DHODH: variants seen among roughly 807,000 people sequenced by gnomAD.
DHODH encodes dihydroorotate dehydrogenase (quinone), mitochondrial.
DHODH carries 30 observed loss-of-function variants against 39.7 expected under a neutral mutation model. The ratio of observed to expected loss-of-function variants is 0.76; its 90% CI spans 0.57 to 1.02. DHODH has a LOEUF of 1.02. Among genes scored for constraint, DHODH ranks in the 50% least tolerant of loss-of-function variants. The probability of loss-of-function intolerance (pLI) is 0.00; values close to 1 mark genes in which losing one functional copy is unlikely to be tolerated. For synonymous variants in DHODH, 222 were observed against 213.8 expected (o/e 1.04, Z -0.34); for missense variants, 531 against 520.8 (o/e 1.02, Z -0.19).
intron 3 of DHODH, among the ~76,000 whole-genome samples, chr16:72,015,244 G>C (rs111933705): frequency 6.6e-6 from 1 of 152,216 alleles, no homozygotes; most frequent in Non-Finnish European, 1.5e-5. Flanking sequence ...TCAAGAGCCA[G>C]TGTGCATTTT....
chr16:72,021,205 T>C lies in DHODH; in HGVS notation c.599T>C (p.Val200Ala), dbSNP rs2041211531. The change falls in exon 5 of 9, where the codon GTA (valine) becomes GCA (alanine). Residue 200 changes from valine (V) to alanine (A), a missense_variant. Physicochemically the swap from Val to Ala is moderately conservative, Grantham distance 64. Transcript: ENST00000219240. Reference protein sequence around the residue: ...AAEDYAEGVRVLGPLADYLVV... With the variant: ...AAEDYAEGVRALGPLADYLVV... Reference sequence around the variant, plus strand: ...GAGGACTACGCAGAAGGGGTGCGCGTACTGGGCCCCCTGGCCGACTACCTG... The same window carrying C: ...GAGGACTACGCAGAAGGGGTGCGCGCACTGGGCCCCCTGGCCGACTACCTG... 6.2e-7 allele frequency: 1 copy of C among 1,611,432 alleles called. No individual in the cohort carries two copies. The highest frequency in any genetic ancestry group is 8.5e-7 in the Non-Finnish European group (1 of 1,179,090).
intron 3 of DHODH, 69 bp from the exon 4 acceptor site, chr16:72,016,955 T>C (rs2143982305): frequency 7.0e-7 from 1 of 1,418,866 alleles, no homozygotes; most frequent in Non-Finnish European, 1.0e-6. Flanking sequence ...TTTGAAAAAG[T>C]CCTAAGTGTA....
chr16:72,023,626 C>T lies in DHODH; in HGVS notation c.1126C>T (p.Leu376Phe). 6.2e-7 allele frequency: 1 copy of T among 1,613,884 alleles called. No individual in the cohort carries two copies. Among genetic ancestry groups the T allele is most frequent in the African/African-American group, 1.3e-5 (1 of 75,042 alleles). Reference sequence around the variant, plus strand: ...CAAAGTCAAGCGGGAACTGGAGGCCCTTCTGAAGTGAGTGAGGTCATGTGT... The same window carrying T: ...CAAAGTCAAGCGGGAACTGGAGGCCTTTCTGAAGTGAGTGAGGTCATGTGT... ...VGKVKRELEA[L>F]LKEQGFGGVT... The change falls in exon 8 of 9, where the codon CTT (leucine) becomes TTT (phenylalanine). Residue 376 changes from leucine to phenylalanine, a missense_variant. Transcript: ENST00000219240.
chr16:72,021,701 G>C (rs1255445532), intron 5 of DHODH, among the ~76,000 whole-genome samples: 1 of 152,170 alleles, frequency 6.6e-6, no homozygotes, highest in African/African-American at 2.4e-5. Flanking sequence ...CGTGGCTCAT[G>C]CCTGTAATAC....
intron 1 of DHODH, among the ~76,000 whole-genome samples, chr16:72,011,623 G>C (rs368438752): frequency 6.6e-6 from 1 of 152,156 alleles, no homozygotes; most frequent in African/African-American, 2.4e-5. Flanking sequence ...TAATATGAAC[G>C]GATAATTTTT....
chr16:72,017,810 GC>G (rs2143984931), intron 4 of DHODH, among the ~76,000 whole-genome samples: 1 of 127,534 alleles, frequency 7.8e-6, no homozygotes, highest in East Asian at 2.2e-4. Flanking sequence ...TCGCTCTGTC[GC>G]CCCAGGCTAG....
At chr16:72,016,992 C>G in intron 3 of DHODH, 32 bp from the exon 4 acceptor site, 2 of 1,606,460 alleles carry the variant, frequency 1.2e-6, no homozygotes, top group South Asian at 1.1e-5. Flanking sequence ...TGCCGTCTCA[C>G]TCTGCCCCTC....
At chr16:72,021,841 T>C (rs1011241116) in intron 5 of DHODH, among the ~76,000 whole-genome samples, 14 of 152,050 alleles carry the variant, frequency 9.2e-5, no homozygotes, top group African/African-American at 3.4e-4. Context: ...CTCAAGCCTA[T>C]AGCCCCAGCT....
chr16:72,020,786 C>G (rs902177513), intron 4 of DHODH, among the ~76,000 whole-genome samples: 1 of 152,188 alleles, frequency 6.6e-6, no homozygotes, highest in Non-Finnish European at 1.5e-5. Flanking sequence ...TGAGTTCTCT[C>G]TGTTCTCAGT....
intron 2 of DHODH, among the ~76,000 whole-genome samples, chr16:72,012,915 CCT>C (rs1396973077): frequency 6.6e-6 from 1 of 152,188 alleles, no homozygotes; most frequent in Non-Finnish European, 1.5e-5. Flanking sequence ...AGGCTAAGGG[CCT>C]CTGTTTCATG....
Position 72,025,346 on chromosome 16 carries a change from ACTGTTAT to A in DHODH, c.*1153_*1159del, listed in dbSNP as rs1373491896. 8 of 152,328 alleles carry A rather than the reference ACTGTTAT, an allele frequency of 5.3e-5. No individual in the cohort carries two copies. The highest frequency in any genetic ancestry group is 3.4e-3 in the Middle Eastern group (1 of 294). 9.4% of individuals were successfully genotyped at this position (152,328 alleles called of 1,614,324 possible). ...ATACCGATTTCTGGATGGAATGCAC[ACTGTTAT>A]CTGTTTAGTTACTTTATGTTTTCAT... is the stretch of plus-strand genomic sequence containing the variant. On this transcript the variant is annotated 3_prime_UTR_variant, in exon 9 of 9. Coordinates refer to ENST00000219240, the MANE Select transcript of DHODH (RefSeq NM_001361.5).
intron 4 of DHODH, 111 bp from the exon 5 acceptor site, chr16:72,021,013 T>G: frequency 1.7e-6 from 2 of 1,160,096 alleles, no homozygotes; most frequent in Non-Finnish European, 2.5e-6. Context: ...CAGGTCAGGT[T>G]TGGAGGGAAG....
At chr16:72,020,465 C>T (rs1465147623) in intron 4 of DHODH, 2 of 150,048 alleles carry the variant, frequency 1.3e-5, no homozygotes, top group Non-Finnish European at 3.0e-5. Flanking sequence ...GAGCCTCAAT[C>T]CTACTTCAGC....
chr16:72,014,498 T>C lies in DHODH; in HGVS notation c.260T>C (p.Phe87Ser). Reference protein sequence around the residue: ...MLEVRVLGHKFRNPVGIAAGF... With the variant: ...MLEVRVLGHKSRNPVGIAAGF... ...GAAGTGAGAGTTCTGGGCCATAAAT[T>C]CCGAAATCCAGTAGGAATTGCTGCA... is the stretch of plus-strand genomic sequence containing the variant. Residue 87 changes from phenylalanine to serine, a missense_variant, in exon 3 of 9, where the codon TTC becomes TCC. Transcript: ENST00000219240. The C allele has an allele frequency of 6.2e-7, 1 of 1,614,082 alleles. No homozygotes were observed. Among genetic ancestry groups the C allele is most frequent in the East Asian group, 2.2e-5 (1 of 44,890 alleles).
intron 4 of DHODH, among the ~76,000 whole-genome samples, chr16:72,017,920 C>T (rs543842045): frequency 1.3e-5 from 2 of 152,132 alleles, no homozygotes; most frequent in African/African-American, 2.4e-5. Flanking sequence ...TTCAGGCACC[C>T]GCCGCCACAC....
In DHODH at chr16:72,021,215, C is replaced by T; in HGVS notation, c.609C>T (p.Pro203=). 1 of 1,612,104 alleles carries T rather than the reference C, an allele frequency of 6.2e-7. No homozygotes were observed. Among genetic ancestry groups the T allele is most frequent in the South Asian group, 1.1e-5 (1 of 90,542 alleles). ...CAGAAGGGGTGCGCGTACTGGGCCC[C>T]CTGGCCGACTACCTGGTGGTGAATG... ...DYAEGVRVLG[P]LADYLVVNVS... Residue 203 remains proline, a synonymous_variant, in exon 5 of 9, where the codon CCC becomes CCT. Transcript: ENST00000219240.
At chr16:72,019,354 A>G (rs538317547) in intron 4 of DHODH, among the ~76,000 whole-genome samples, 1 of 152,308 alleles carries the variant, frequency 6.6e-6, no homozygotes, top group East Asian at 1.9e-4. Flanking sequence ...GGGGTTGGGA[A>G]GGTGGTGAGC....
chr16:72,016,918 C>A, intron 3 of DHODH, 106 bp from the exon 4 acceptor site: 2 of 1,041,388 alleles, frequency 1.9e-6, no homozygotes, highest in Non-Finnish European at 3.0e-6. Flanking sequence ...AGTGTAAGAA[C>A]TGACTGTGAT....
intron 5 of DHODH, 43 bp from the exon 6 acceptor site, chr16:72,022,319 T>C: frequency 6.9e-7 from 1 of 1,441,646 alleles, no homozygotes. Context: ...ACTGCAGGGC[T>C]GTGGTCTGCG....
Sources: allele counts gnomAD v4.1 joint callset (sites outside exome capture counted in the v4.1 genomes callset), GRCh38; gene constraint gnomAD v4.1.1; transcripts MANE v1.5; gene names NCBI Gene and HGNC (gene_info 2026-07-23, HGNC 2026-07-21).